NCOR1: variants seen among roughly 807,000 people sequenced by gnomAD.
NCOR1 encodes the protein protein phosphatase 1, regulatory subunit 109.
In NCOR1, 63 loss-of-function variants were observed where a neutral mutation model predicts 288.1. The ratio of observed to expected loss-of-function variants is 0.22; its 90% confidence interval spans 0.18 to 0.27. The LOEUF is 0.27. Among genes scored for constraint, NCOR1 ranks in the 10% least tolerant of loss-of-function variants. The pLI is 1.00. For synonymous variants in NCOR1, 1,007 were observed against 1,065.9 expected, an observed-to-expected ratio of 0.94 and a Z score of 1.08; for missense variants, 2,397 against 3,019.2, an observed-to-expected ratio of 0.79 and a Z score of 4.83.
chr17:16,116,625 A>G (rs1043128504), intron 18 of NCOR1, among the ~76,000 whole-genome samples: 2 of 152,242 alleles, frequency 1.3e-5, no homozygotes, highest in Admixed American at 6.5e-5. Flanking sequence ...CTAAAATGAC[A>G]TTCCATGAAA....
At chr17:16,211,402 T>C (rs1361067683) in intron 1 of NCOR1, among the ~76,000 whole-genome samples, 1 of 151,974 alleles carries the variant, frequency 6.6e-6, no homozygotes, top group Admixed American at 6.6e-5. Flanking sequence ...TCTGCTAATT[T>C]TTCAATTTTT....
chr17:16,034,672 A>C (rs1597545440), intron 45 of NCOR1, 93 bp downstream of exon 45: 1 of 1,176,502 alleles, frequency 8.5e-7, no homozygotes, highest in East Asian at 2.3e-5. Flanking sequence ...TAGGTTTCCA[A>C]ATTAGAAGAG....
At chr17:16,095,444 G>A (rs2066303663) in intron 21 of NCOR1, among the ~76,000 whole-genome samples, 1 of 150,022 alleles carries the variant, frequency 6.7e-6, no homozygotes, top group African/African-American at 2.4e-5. Context: ...GGGAGGTGGG[G>A]GGTCAGCCCC....
At position 16,189,480 on chromosome 17, in the gene NCOR1, G is replaced by A. The variant is rs573376099; in HGVS notation, c.109-2793C>T. ...AAACAATAGTTGAACACACAGAAGT[G>A]AAAAGTAAATGAAAGCTAAGAGAGA... On this transcript the variant is annotated intron_variant, in intron 2 of 45. Transcript: ENST00000268712. Among the ~76,000 whole-genome samples the A allele has an allele frequency of 2.0e-4, 31 of 152,222 alleles. 1 individual carries two copies. The highest frequency in any genetic ancestry group is 7.2e-4 in the African/African-American group (30 of 41,540).
rs138350488 is a variant in NCOR1, at chr17:16,082,533, T to C, written c.3178-1806A>G. On this transcript the variant is annotated intron_variant, in intron 23 of 45. Coordinates refer to ENST00000268712, the MANE Select transcript of NCOR1 (RefSeq NM_006311.4). ...GAGTCTGAGACCAGCCTTAACAAGA[T>C]ATTAAGACTCTGTCTCTATAAAAAA... Among the ~76,000 whole-genome samples, 1,105 of 151,960 alleles carry C rather than the reference T, an allele frequency of 7.3e-3. 15 individuals carry two copies. The highest frequency in any genetic ancestry group is 0.025 in the African/African-American group (1,026 of 41,440).
At position 16,086,288 on chromosome 17, in the gene NCOR1, G is replaced by A. The variant is rs368943561; in HGVS notation, c.3171C>T (p.Ile1057=). The A allele has an allele frequency of 2.5e-5, 40 of 1,613,578 alleles. No individual in the cohort carries two copies. Among genetic ancestry groups the A allele is most frequent in the Non-Finnish European group, 3.3e-5 (39 of 1,179,892 alleles). The change falls in exon 23 of 46, where the codon ATC becomes ATT. Residue 1057 remains isoleucine (I), a synonymous_variant. Coordinates refer to ENST00000268712, the MANE Select transcript of NCOR1 (RefSeq NM_006311.4). ...EKPSFIMGGS[I]SQGTPGTYLT... is the part of the protein sequence containing the mutation. ...TAAAGAGAAGTCGTTTCACCTGTGA[G>A]ATGGAGCCTCCCATTATAAAAGATG...
intron 10 of NCOR1, among the ~76,000 whole-genome samples, chr17:16,144,472 C>T (rs1599359244): frequency 6.6e-6 from 1 of 152,092 alleles, no homozygotes; most frequent in East Asian, 1.9e-4. Flanking sequence ...TTAGTGGGTA[C>T]ATGTGCAAGT....
intron 41 of NCOR1, among the ~76,000 whole-genome samples, chr17:16,047,999 T>C (rs759582469): frequency 6.6e-6 from 1 of 152,220 alleles, no homozygotes; most frequent in Non-Finnish European, 1.5e-5. Flanking sequence ...AAAGTAGCAA[T>C]ATCTGTTTAG....
intron 31 of NCOR1, 44 bp downstream of exon 31, chr17:16,070,116 TTTTTA>T: frequency 1.3e-6 from 2 of 1,521,692 alleles, no homozygotes; most frequent in South Asian, 1.4e-5. Context: ...TTTTTTTTTT[TTTTTA>T]AATGCAATAA....
chr17:16,107,086 G>A (rs747299282), intron 19 of NCOR1, among the ~76,000 whole-genome samples: 3 of 150,878 alleles, frequency 2.0e-5, no homozygotes, highest in Admixed American at 6.6e-5. Flanking sequence ...TAGTAGAGAC[G>A]GGGTTTCACC....
At chr17:16,064,739 T>C in intron 34 of NCOR1, 131 bp downstream of exon 34, 1 of 820,834 alleles carries the variant, frequency 1.2e-6, no homozygotes. Context: ...ACATAAGAAC[T>C]ACTATTAAAT....
In NCOR1 at chr17:16,182,654, G is replaced by A. The variant is rs145319017; in HGVS notation, c.242+3900C>T. Among the ~76,000 whole-genome samples the A allele has an allele frequency of 2.8e-3, 430 of 152,128 alleles. 3 individuals carry two copies. Among genetic ancestry groups the A allele is most frequent in the African/African-American group, 9.5e-3 (395 of 41,504 alleles). ...TATTTTTAGTAGATGAGGTTTCACC[G>A]TGTTAGCCAGGATGGTCTCAATCTC... On this transcript the variant is annotated intron_variant, in intron 3 of 45. Transcript: ENST00000268712.
At chr17:16,125,068 G>A (rs2073771847) in intron 15 of NCOR1, among the ~76,000 whole-genome samples, 1 of 152,174 alleles carries the variant, frequency 6.6e-6, no homozygotes, top group South Asian at 2.1e-4. Context: ...ACTATTAGAT[G>A]TTTCTAAAAT....
intron 2 of NCOR1, among the ~76,000 whole-genome samples, chr17:16,191,655 T>C (rs80258811): frequency 6.6e-6 from 1 of 151,546 alleles, no homozygotes; most frequent in Non-Finnish European, 1.5e-5. Context: ...TGGAATAACA[T>C]GCAACATGAG....
chr17:16,068,958 G>A (rs994260605), intron 31 of NCOR1, among the ~76,000 whole-genome samples: 4 of 151,944 alleles, frequency 2.6e-5, no homozygotes, highest in East Asian at 1.9e-4. Flanking sequence ...CTCATGATCC[G>A]CCCGCCTTGG....
At chr17:16,201,700 T>A (rs1016030851) in intron 1 of NCOR1, among the ~76,000 whole-genome samples, 19 of 152,182 alleles carry the variant, frequency 1.2e-4, no homozygotes, top group Non-Finnish European at 2.8e-4. Context: ...TGTAACAATA[T>A]CCAACTGAAA....
At chr17:16,180,911 C>A (rs2085267974) in intron 3 of NCOR1, among the ~76,000 whole-genome samples, 1 of 152,322 alleles carries the variant, frequency 6.6e-6, no homozygotes, top group African/African-American at 2.4e-5. Flanking sequence ...GTAATCCCAG[C>A]ACTTTGGGAG....
rs539812280 is a variant in NCOR1, at chr17:16,071,372, T to C, written c.4152+37A>G. The C allele has an allele frequency of 1.6e-5, 25 of 1,590,508 alleles. No individual in the cohort carries two copies. The South Asian group carries it at 2.9e-4, about 18-fold the overall frequency. On this transcript the variant is annotated intron_variant, in intron 30 of 45. Coordinates refer to ENST00000268712, the MANE Select transcript of NCOR1 (RefSeq NM_006311.4). ...CACACTTTTTTAAATGTTCCATAAA[T>C]ATCAGTTACTGACAAAAAGAGCCAA...
chr17:16,172,022 T>A, intron 3 of NCOR1, 27 bp from the exon 4 acceptor site: 1 of 1,507,130 alleles, frequency 6.6e-7, no homozygotes, highest in Non-Finnish European at 8.9e-7. Context: ...AAATAAACAC[T>A]TGAAAATTTG....
Sources: gnomAD v4.1 joint callset for allele counts (sites outside exome capture counted in the v4.1 genomes callset) on GRCh38, gnomAD v4.1.1 for gene constraint, MANE v1.5 for transcripts, NCBI Gene and HGNC (gene_info 2026-07-23, HGNC 2026-07-21) for gene names.